Variants in TENM3 observed in about 807,000 individuals in gnomAD.
The protein encoded by TENM3 is teneurin-3.
A neutral mutation model predicts 255.1 loss-of-function variants in TENM3; 63 were observed. The ratio of observed to expected loss-of-function variants is 0.25; its 90% CI spans 0.20 to 0.30. The LOEUF is 0.30. Ranked by LOEUF, TENM3 falls within the 10% of genes least tolerant of loss-of-function variation. The probability of loss-of-function intolerance (pLI) is 1.00; values close to 1 mark genes in which losing one functional copy is unlikely to be tolerated. For missense variants in TENM3, 2,929 were observed against 3,461.1 expected, an observed-to-expected ratio of 0.85 and a Z score of 3.86; for synonymous variants, 1,306 against 1,322.3, an observed-to-expected ratio of 0.99 and a Z score of 0.27.
the TENM3 span, among the ~76,000 whole-genome samples, chr4:181,947,680 T>C: frequency 6.6e-6 from 1 of 152,134 alleles, no homozygotes; most frequent in African/African-American, 2.4e-5. Context: ...GTTGCACCTA[T>C]TTTGATGGGA....
At chr4:181,861,045 GA>G in the TENM3 span, among the ~76,000 whole-genome samples, 3 of 152,308 alleles carry the variant, frequency 2.0e-5, no homozygotes, top group South Asian at 6.2e-4. Context: ...CAATCCTGGG[GA>G]AAAACATCAT....
At chr4:182,731,702 T>G (rs201539960) in intron 16 of TENM3, among the ~76,000 whole-genome samples, 2 of 23,646 alleles carry the variant, frequency 8.5e-5, no homozygotes, top group African/African-American at 3.6e-4. Context: ...GGGGTGTGTG[T>G]GTGTGTGTGT....
At chr4:182,752,087 AAGG>A in intron 20 of TENM3, 55 bp downstream of exon 20, 1 of 1,136,772 alleles carries the variant, frequency 8.8e-7, no homozygotes, top group Non-Finnish European at 1.2e-6. Flanking sequence ...AAAAAAAAAA[AAGG>A]GGTTGAAAAT....
intron 1 of TENM3, among the ~76,000 whole-genome samples, chr4:182,252,486 G>A (rs1308870023): frequency 1.3e-5 from 2 of 152,098 alleles, no homozygotes; most frequent in African/African-American, 4.8e-5. Context: ...AATAAAGAAT[G>A]CAATAAACAT....
chr4:182,679,621 G>A (rs1662695057), intron 7 of TENM3, 45 bp from the exon 8 acceptor site: 2 of 1,443,884 alleles, frequency 1.4e-6, no homozygotes, highest in South Asian at 1.2e-5. Flanking sequence ...GAGAGAAGCA[G>A]CCACCCTTTA....
At chr4:182,242,641 G>C (rs796853136), upstream of TENM3, among the ~76,000 whole-genome samples, 3 of 152,054 alleles carry the variant, frequency 2.0e-5, no homozygotes, top group African/African-American at 7.2e-5. Flanking sequence ...CTTGCCTGTG[G>C]TTCCAGCTAC....
chr4:181,508,759 T>C, the TENM3 span, among the ~76,000 whole-genome samples: 1 of 152,162 alleles, frequency 6.6e-6, no homozygotes, highest in Non-Finnish European at 1.5e-5. Flanking sequence ...TGGTCTATTT[T>C]CATGTCATCC....
At chr4:181,794,230 CTAAT>C in the TENM3 span, among the ~76,000 whole-genome samples, 1 of 152,110 alleles carries the variant, frequency 6.6e-6, no homozygotes, top group East Asian at 1.9e-4. Flanking sequence ...CACAGTAAAA[CTAAT>C]TAACATCTCC....
At chr4:182,160,083 A>G (rs7680618) in intron 1 of TENM3, among the ~76,000 whole-genome samples, 19,048 of 144,558 alleles carry the variant, frequency 0.13, 2,012 homozygotes, top group East Asian at 0.37. Flanking sequence ...GCTCACTGCA[A>G]GCTCCGCTTC....
At chr4:181,456,995 C>T in the TENM3 span, among the ~76,000 whole-genome samples, 1 of 151,888 alleles carries the variant, frequency 6.6e-6, no homozygotes, top group East Asian at 1.9e-4. Context: ...AATTTTTCCA[C>T]ATCTAAGGGA....
intron 1 of TENM3, among the ~76,000 whole-genome samples, chr4:182,188,727 C>T (rs978834641): frequency 6.6e-6 from 1 of 152,132 alleles, no homozygotes; most frequent in Non-Finnish European, 1.5e-5. Flanking sequence ...AGAAGGGAAG[C>T]ATGATATGGT....
At chr4:181,550,217 G>A in the TENM3 span, among the ~76,000 whole-genome samples, 1 of 152,140 alleles carries the variant, frequency 6.6e-6, no homozygotes, top group Non-Finnish European at 1.5e-5. Flanking sequence ...TCCCCAGTAT[G>A]AGATTTGGAT....
At chr4:182,437,178 C>G (rs1413921355) in intron 3 of TENM3, among the ~76,000 whole-genome samples, 1 of 152,186 alleles carries the variant, frequency 6.6e-6, no homozygotes, top group African/African-American at 2.4e-5. Context: ...TAGCTGTTCT[C>G]TAAATCGTAT....
At chr4:182,123,832 C>G in the TENM3 span, among the ~76,000 whole-genome samples, 1,538 of 152,198 alleles carry the variant, frequency 0.01, 20 homozygotes, top group African/African-American at 0.035. Flanking sequence ...GTGATTTCTG[C>G]AAAGCACAAT....
chr4:182,336,823 G>C (rs7676168), intron 2 of TENM3, among the ~76,000 whole-genome samples: 135,492 of 148,878 alleles, frequency 0.91, 61,809 homozygotes, highest in South Asian at 0.95. Flanking sequence ...TCCTTGGACT[G>C]TTGATGCTAT....
At chr4:181,640,854 C>T in the TENM3 span, among the ~76,000 whole-genome samples, 1 of 152,218 alleles carries the variant, frequency 6.6e-6, no homozygotes, top group Non-Finnish European at 1.5e-5. Flanking sequence ...TCCTCCAATT[C>T]TATGTCTTGC....
the TENM3 span, among the ~76,000 whole-genome samples, chr4:181,457,140 T>C: frequency 6.6e-6 from 1 of 151,822 alleles, no homozygotes. Context: ...TTATTCTAAG[T>C]TAGTATTTTA....
chr4:181,522,592 G>A, the TENM3 span: 1 of 444,950 alleles, frequency 2.2e-6, no homozygotes, highest in South Asian at 2.2e-5. Flanking sequence ...TGGAGAAATA[G>A]ATAGACAAAT....
chr4:181,851,507 G>A, the TENM3 span, among the ~76,000 whole-genome samples: 1 of 152,114 alleles, frequency 6.6e-6, no homozygotes. Flanking sequence ...CATCTGTAGG[G>A]TAGATACGAG....
Sources: allele counts gnomAD v4.1 joint callset (sites outside exome capture counted in the v4.1 genomes callset), GRCh38; gene constraint gnomAD v4.1.1; transcripts MANE v1.5; gene names NCBI Gene and HGNC (gene_info 2026-07-23, HGNC 2026-07-21).